The following BBS9 variants were observed in gnomAD, a reference collection of about 807,000 sequenced individuals.
BBS9 encodes Bardet-Biedl syndrome 9, also known as protein PTHB1.
A neutral mutation model predicts 117.7 loss-of-function variants in BBS9; 89 were observed. The observed-to-expected ratio is 0.76, with a 90% CI of 0.64 to 0.90. BBS9 has a LOEUF of 0.90. BBS9 is among the 40% of genes least tolerant of loss of function. The probability of loss-of-function intolerance (pLI) is 0.00; values close to 1 mark genes in which losing one functional copy is unlikely to be tolerated. For missense variants in BBS9, 982 were observed against 1,042.2 expected (o/e 0.94, Z 0.80); for synonymous variants, 379 against 370.9 (o/e 1.02, Z -0.25).
intron 5 of BBS9, among the ~76,000 whole-genome samples, chr7:33,206,056 C>T (rs1452335021): frequency 6.6e-6 from 1 of 152,150 alleles, no homozygotes; most frequent in Non-Finnish European, 1.5e-5. Context: ...GATTTCATTG[C>T]ATGTCCTATA....
Position 33,152,839 on chromosome 7 carries a change from G to A in BBS9, c.251G>A (p.Gly84Glu), listed in dbSNP as rs766917697. The change falls in exon 3 of 23, where the codon GGA becomes GAA. Residue 84 changes from glycine (G) to glutamate (E), a missense_variant. Coordinates refer to ENST00000242067, the MANE Select transcript of BBS9 (RefSeq NM_198428.3). ...LRDPVLQVEVGKFVSGTEMLH... is the reference protein window; with the variant it reads ...LRDPVLQVEVEKFVSGTEMLH... Reference sequence around the variant, plus strand: ...GATCCAGTACTTCAAGTGGAAGTAGGAAAGTTTGTTTCGTAAGTAAGCCCA... The same window carrying A: ...GATCCAGTACTTCAAGTGGAAGTAGAAAAGTTTGTTTCGTAAGTAAGCCCA... The A allele has an allele frequency of 6.2e-7, 1 of 1,613,978 alleles. No homozygotes were observed. The highest frequency in any genetic ancestry group is 8.5e-7 in the Non-Finnish European group (1 of 1,179,954).
intron 19 of BBS9, among the ~76,000 whole-genome samples, chr7:33,392,414 A>AT (rs1331094170): frequency 6.6e-6 from 1 of 152,144 alleles, no homozygotes; most frequent in Non-Finnish European, 1.5e-5. Flanking sequence ...AGCTGAAATA[A>AT]TTGGGCCACT....
At chr7:33,210,083 C>T (rs1787733351) in intron 5 of BBS9, among the ~76,000 whole-genome samples, 1 of 152,086 alleles carries the variant, frequency 6.6e-6, no homozygotes, top group Non-Finnish European at 1.5e-5. Context: ...GGTTTCGGTA[C>T]ATTATGTTTC....
At chr7:33,185,347 A>G (rs900604157) in intron 5 of BBS9, among the ~76,000 whole-genome samples, 4 of 151,778 alleles carry the variant, frequency 2.6e-5, no homozygotes, top group Admixed American at 2.6e-4. Context: ...GATGCTTCTG[A>G]CAAAGCTATG....
intron 5 of BBS9, among the ~76,000 whole-genome samples, chr7:33,185,889 A>T (rs1005307440): frequency 6.6e-6 from 1 of 152,204 alleles, no homozygotes; most frequent in East Asian, 1.9e-4. Context: ...AAAATGAACT[A>T]ACACTAGATG....
At chr7:33,454,674 C>G (rs1318963174) in intron 19 of BBS9, among the ~76,000 whole-genome samples, 1 of 152,186 alleles carries the variant, frequency 6.6e-6, no homozygotes, top group South Asian at 2.1e-4. Flanking sequence ...ATAATGGCTA[C>G]TGCACTGTTA....
At chr7:33,525,880 C>G (rs1366399181) in intron 20 of BBS9, among the ~76,000 whole-genome samples, 1 of 151,626 alleles carries the variant, frequency 6.6e-6, no homozygotes, top group African/African-American at 2.4e-5. Flanking sequence ...TTTGCAGCGG[C>G]TGGTACAGGT....
intron 19 of BBS9, among the ~76,000 whole-genome samples, chr7:33,463,115 T>C (rs1839705251): frequency 6.6e-6 from 1 of 152,034 alleles, no homozygotes; most frequent in Non-Finnish European, 1.5e-5. Flanking sequence ...GCCAAGACTT[T>C]TTAAAGGGAG....
At chr7:33,376,008 T>A (rs1030834746) in intron 17 of BBS9, among the ~76,000 whole-genome samples, 7 of 152,198 alleles carry the variant, frequency 4.6e-5, no homozygotes, top group African/African-American at 1.4e-4. Flanking sequence ...CACACCTTTT[T>A]AAATGTTTAT....
At chr7:33,426,572 T>TA (rs397955937) in intron 19 of BBS9, among the ~76,000 whole-genome samples, 2 of 103,328 alleles carry the variant, frequency 1.9e-5, no homozygotes, top group African/African-American at 3.1e-5. Flanking sequence ...AGATGTTCTG[T>TA]AAAAAATGGG....
chr7:33,202,791 A>G (rs780107209), intron 5 of BBS9, among the ~76,000 whole-genome samples: 9 of 152,184 alleles, frequency 5.9e-5, no homozygotes, highest in Non-Finnish European at 1.0e-4. Context: ...ACAATTCAAC[A>G]TGAGATTTGT....
At chr7:33,449,714 A>C (rs1251657610) in intron 19 of BBS9, among the ~76,000 whole-genome samples, 1 of 152,230 alleles carries the variant, frequency 6.6e-6, no homozygotes, top group Non-Finnish European at 1.5e-5. Flanking sequence ...AAACATTTAA[A>C]TGAAATAAAC....
At chr7:33,155,363 A>T (rs1262117009) in intron 3 of BBS9, among the ~76,000 whole-genome samples, 2 of 152,220 alleles carry the variant, frequency 1.3e-5, no homozygotes, top group Non-Finnish European at 2.9e-5. Flanking sequence ...AAGAAATAGC[A>T]CTTAGGGAAG....
intron 21 of BBS9, among the ~76,000 whole-genome samples, chr7:33,552,909 T>A (rs185799637): frequency 2.1e-4 from 32 of 152,334 alleles, no homozygotes; most frequent in Non-Finnish European, 3.8e-4. Flanking sequence ...TGTCTCTCCA[T>A]CCACTTCTCC....
chr7:33,321,112 A>C (rs986155900), intron 9 of BBS9, among the ~76,000 whole-genome samples: 1 of 152,120 alleles, frequency 6.6e-6, no homozygotes, highest in Non-Finnish European at 1.5e-5. Flanking sequence ...TTTTTATGCC[A>C]GTACCATGCT....
At chr7:33,336,366 A>G in intron 9 of BBS9, 75 bp from the exon 10 acceptor site, 1 of 1,102,116 alleles carries the variant, frequency 9.1e-7, no homozygotes. Flanking sequence ...TGCTGAATTG[A>G]GTAAAAATGT....
At chr7:33,148,724 G>A (rs1217591905) in intron 2 of BBS9, among the ~76,000 whole-genome samples, 1 of 150,098 alleles carries the variant, frequency 6.7e-6, no homozygotes, top group Non-Finnish European at 1.5e-5. Context: ...GAGTGCAGTG[G>A]CATGATCATG....
At chr7:33,321,928 G>T (rs1811807986) in intron 9 of BBS9, among the ~76,000 whole-genome samples, 4 of 151,770 alleles carry the variant, frequency 2.6e-5, no homozygotes, top group Admixed American at 2.6e-4. Context: ...TTTTTATCAT[G>T]AAAGGATGTT....
intron 21 of BBS9, among the ~76,000 whole-genome samples, chr7:33,545,373 A>C (rs555934806): frequency 1.3e-5 from 2 of 152,132 alleles, no homozygotes; most frequent in Admixed American, 6.5e-5. Context: ...GTGAGCTCCT[A>C]GGGCCTTTCT....
Sources: gnomAD v4.1 joint callset for allele counts (sites outside exome capture counted in the v4.1 genomes callset) on GRCh38, gnomAD v4.1.1 for gene constraint, MANE v1.5 for transcripts, NCBI Gene and HGNC (gene_info 2026-07-23, HGNC 2026-07-21) for gene names.